Variants in HTT observed in about 807,000 individuals in gnomAD.
The protein encoded by HTT is huntington disease protein.
HTT carries 104 observed loss-of-function variants against 362.3 expected under a neutral mutation model. The ratio of observed to expected loss-of-function variants is 0.29; its 90% CI spans 0.24 to 0.34. HTT has a LOEUF of 0.34. Among genes scored for constraint, HTT ranks in the 10% least tolerant of loss-of-function variants. HTT has a pLI of 1.00. For missense variants in HTT, 3,301 were observed against 3,928.6 expected (o/e 0.84, Z 4.27); for synonymous variants, 1,577 against 1,548.7 (o/e 1.02, Z -0.43).
chr4:3,153,333 C>T (rs1716989738), intron 26 of HTT, among the ~76,000 whole-genome samples: 1 of 152,152 alleles, frequency 6.6e-6, no homozygotes, highest in South Asian at 2.1e-4. Flanking sequence ...GGACTATAGA[C>T]ATTGAAACCA....
In HTT at chr4:3,238,597, C is replaced by A. The variant is rs373377741; in HGVS notation, c.9042C>A (p.Thr3014=). The A allele has an allele frequency of 2.5e-5, 41 of 1,608,640 alleles. No individual in the cohort carries two copies. The African/African-American group carries it at 4.7e-4, about 18-fold the overall frequency. ...AGCCATACCCCCAGTTCATGGCCAC[C>A]GTGGTGTATAAGGTGAGGTTGCATG... is the stretch of plus-strand genomic sequence containing the variant. ...NQQPYPQFMA[T]VVYKVFQTLH... Residue 3014 remains threonine (T), a synonymous_variant, in exon 65 of 67, where the codon ACC becomes ACA. Coordinates refer to ENST00000355072, the MANE Select transcript of HTT (RefSeq NM_001388492.1).
At chr4:3,238,680 G>C in intron 65 of HTT, 71 bp downstream of exon 65, 1 of 1,513,772 alleles carries the variant, frequency 6.6e-7, no homozygotes, top group Non-Finnish European at 9.0e-7. Flanking sequence ...CTTCCCAGCA[G>C]ATTCGCCAGC....
chr4:3,102,170 C>T (rs1263563648), intron 3 of HTT, among the ~76,000 whole-genome samples: 1 of 152,118 alleles, frequency 6.6e-6, no homozygotes, highest in African/African-American at 2.4e-5. Context: ...GTAGACCCAG[C>T]AGGAGTGCAG....
chr4:3,196,035 G>A lies in HTT; in HGVS notation c.5369-3697G>A, dbSNP rs76516185. ...GTGTTTTCTGTGAGGATAAAAACAGGTGATTCCAGGATGAGGAAAGTCAGG... is the reference window on the plus strand; with the variant it reads ...GTGTTTTCTGTGAGGATAAAAACAGATGATTCCAGGATGAGGAAAGTCAGG... On this transcript the variant is annotated intron_variant, in intron 40 of 66. Coordinates refer to ENST00000355072, the MANE Select transcript of HTT (RefSeq NM_001388492.1). Among the ~76,000 whole-genome samples, 25 of 152,298 alleles carry A rather than the reference G, an allele frequency of 1.6e-4. No homozygotes were observed. The East Asian group carries it at 4.8e-3, about 29-fold the overall frequency.
intron 50 of HTT, 79 bp from the exon 51 acceptor site, chr4:3,215,031 G>A: frequency 8.5e-7 from 1 of 1,182,166 alleles, no homozygotes; most frequent in Non-Finnish European, 1.2e-6. Flanking sequence ...TTGTGAGGCT[G>A]CACAAATGTA....
chr4:3,232,656 A>G (rs1721312934), intron 60 of HTT, among the ~76,000 whole-genome samples: 1 of 152,218 alleles, frequency 6.6e-6, no homozygotes, highest in Admixed American at 6.5e-5. Flanking sequence ...AGCAAAGAAA[A>G]TTAGCAAGGG....
intron 40 of HTT, among the ~76,000 whole-genome samples, chr4:3,198,724 A>G (rs1318278413): frequency 4.6e-5 from 7 of 152,250 alleles, no homozygotes; most frequent in Non-Finnish European, 1.0e-4. Flanking sequence ...GAATGAAGTC[A>G]TGATTCCTGG....
Position 3,240,417 on chromosome 4 carries a change from CTGGCTGT to C in HTT, c.*363_*369del. 1 of 334,634 alleles carries C rather than the reference CTGGCTGT, an allele frequency of 3.0e-6. No individual in the cohort carries two copies. Among genetic ancestry groups the C allele is most frequent in the Non-Finnish European group, 5.7e-6 (1 of 176,380 alleles). 20.7% of individuals were successfully genotyped at this position (334,634 alleles called of 1,614,324 possible). A position where few individuals can be genotyped will look rare whatever the true frequency, so the allele number is the denominator to read the frequency against. ...GGCCAGAAGTCCTCCCTCCTGCAGG[CTGGCTGT>C]TGGCCCCTCTGCTGTCCTGCAGTAG... is the stretch of plus-strand genomic sequence containing the variant. On this transcript the variant is annotated 3_prime_UTR_variant, in exon 67 of 67. Transcript: ENST00000355072.
At chr4:3,205,890 A>G (rs556497475) in intron 42 of HTT, among the ~76,000 whole-genome samples, 1 of 152,350 alleles carries the variant, frequency 6.6e-6, no homozygotes, top group South Asian at 2.1e-4. Context: ...ATCAAGATGA[A>G]AAGGCTCTGC....
intron 6 of HTT, among the ~76,000 whole-genome samples, chr4:3,107,723 G>A (rs182895193): frequency 9.8e-4 from 149 of 152,316 alleles, no homozygotes; most frequent in African/African-American, 3.4e-3. Flanking sequence ...TAACCTAGCT[G>A]CGGGAAGATG....
chr4:3,142,652 G>GTT, intron 22 of HTT, 114 bp from the exon 23 acceptor site: 2 of 557,682 alleles, frequency 3.6e-6, no homozygotes, highest in Non-Finnish European at 6.3e-6. Context: ...TCACTTAAAA[G>GTT]TTGAGACTGC....
chr4:3,134,461 G>T lies in HTT; in HGVS notation c.2554G>T (p.Asp852Tyr), dbSNP rs370452437. 3 of 1,613,838 alleles carry T rather than the reference G, an allele frequency of 1.9e-6. No individual in the cohort carries two copies. The highest frequency in any genetic ancestry group is 1.3e-5 in the African/African-American group (1 of 74,902). ...YSELGLQLII[D>Y]VLTLRNSSYW... ...TGAGTTAGGACTGCAGCTGATCATC[G>T]ATGTGCTGACTCTGAGGAACAGTTC... The change falls in exon 19 of 67, where the codon GAT becomes TAT. Residue 852 changes from aspartate (D) to tyrosine (Y), a missense_variant. Asp to Tyr is a radical substitution (Grantham distance 160, BLOSUM62 -3). Transcript: ENST00000355072.
In HTT at chr4:3,220,210, C is replaced by T. The variant is rs1043734407; in HGVS notation, c.7271C>T (p.Pro2424Leu). The T allele has an allele frequency of 7.4e-6, 12 of 1,613,932 alleles. No homozygotes were observed. Among genetic ancestry groups the T allele is most frequent in the African/African-American group, 4.0e-5 (3 of 74,880 alleles). ...LVWKLGWSPK[P>L]GGDFGTAFPE... Reference sequence around the variant, plus strand: ...TGGAAGCTTGGATGGTCACCCAAACCGGGAGGGGATTTTGGCACAGCATTC... The same window carrying T: ...TGGAAGCTTGGATGGTCACCCAAACTGGGAGGGGATTTTGGCACAGCATTC... Residue 2424 changes from proline (P) to leucine (L), a missense_variant, in exon 53 of 67, where the codon CCG becomes CTG. By Grantham distance (98) the Pro-to-Leu change is moderately conservative. Transcript: ENST00000355072.
At chr4:3,163,901 GT>G (rs910439619) in intron 29 of HTT, among the ~76,000 whole-genome samples, 9 of 151,152 alleles carry the variant, frequency 6.0e-5, no homozygotes, top group African/African-American at 1.5e-4. Flanking sequence ...TTTTTGGAGG[GT>G]TTTTTTTCGT....
In HTT at chr4:3,140,567, C is replaced by T. The variant is rs376025717; in HGVS notation, c.2856C>T (p.Ala952=). The T allele has an allele frequency of 1.7e-4, 274 of 1,613,804 alleles. No homozygotes were observed. The highest frequency in any genetic ancestry group is 2.0e-4 in the Non-Finnish European group (240 of 1,179,834). The change falls in exon 22 of 67, where the codon GCC becomes GCT. Residue 952 remains alanine (A), a synonymous_variant. Coordinates refer to ENST00000355072, the MANE Select transcript of HTT (RefSeq NM_001388492.1). ...AAGGACAAGCTGATCCAGTAGTGGC[C>T]GTGGCAAGAGATCAAAGCAGTGTTT... is the stretch of plus-strand genomic sequence containing the variant. ...CDQGQADPVV[A]VARDQSSVYL... is the part of the protein sequence containing the mutation.
At chr4:3,208,169 A>G (rs1249786113) in intron 45 of HTT, among the ~76,000 whole-genome samples, 3 of 152,176 alleles carry the variant, frequency 2.0e-5, no homozygotes, top group African/African-American at 7.2e-5. Context: ...ACAGTTTGGG[A>G]TGATTTTTCA....
intron 40 of HTT, among the ~76,000 whole-genome samples, chr4:3,198,215 A>ATTT (rs200014691): frequency 0.041 from 2,473 of 60,354 alleles, 348 homozygotes; most frequent in African/African-American, 0.076. Flanking sequence ...GGATGTGTTG[A>ATTT]TTTTTTTTTT....
chr4:3,232,999 A>AG (rs1721334458), intron 60 of HTT, among the ~76,000 whole-genome samples, 164 bp from the exon 61 acceptor site: 3 of 152,370 alleles, frequency 2.0e-5, no homozygotes, highest in African/African-American at 7.2e-5. Context: ...AACACCAGCC[A>AG]GGGGCCAGCC....
intron 46 of HTT, among the ~76,000 whole-genome samples, chr4:3,209,625 T>C (rs1578590773): frequency 6.6e-6 from 1 of 152,206 alleles, no homozygotes; most frequent in East Asian, 1.9e-4. Flanking sequence ...GGGGAGGCTG[T>C]GAGGGTGCCC....
Sources: allele counts gnomAD v4.1 joint callset (sites outside exome capture counted in the v4.1 genomes callset), GRCh38; gene constraint gnomAD v4.1.1; transcripts MANE v1.5; gene names NCBI Gene and HGNC (gene_info 2026-07-23, HGNC 2026-07-21).